MECOM: variants seen among roughly 807,000 people sequenced by gnomAD.
The protein encoded by MECOM is histone-lysine N-methyltransferase MECOM.
Under a neutral mutation model 116.3 loss-of-function variants are expected in MECOM, and 13 were observed. The observed-to-expected ratio is 0.11, with a 90% CI of 0.07 to 0.18. The LOEUF (loss-of-function observed/expected upper bound fraction) is 0.18. MECOM is among the 10% of genes least tolerant of loss of function. MECOM has a pLI of 1.00. For synonymous variants in MECOM, 528 were observed against 535.2 expected, an observed-to-expected ratio of 0.99 and a Z score of 0.19; for missense variants, 1,299 against 1,509.0, an observed-to-expected ratio of 0.86 and a Z score of 2.31.
chr3:169,293,828 G>A (rs1162419565), intron 2 of MECOM, among the ~76,000 whole-genome samples: 1 of 152,104 alleles, frequency 6.6e-6, no homozygotes, highest in African/African-American at 2.4e-5. Context: ...ATACTTTATG[G>A]GATTACCAGC....
At chr3:169,636,729 T>C (rs901221975) in intron 1 of MECOM, among the ~76,000 whole-genome samples, 1 of 152,230 alleles carries the variant, frequency 6.6e-6, no homozygotes, top group Non-Finnish European at 1.5e-5. Context: ...CCTGATATTT[T>C]AGAGAATCTT....
chr3:169,609,634 ACAAAT>A (rs2109809116), intron 1 of MECOM, among the ~76,000 whole-genome samples: 1 of 152,328 alleles, frequency 6.6e-6, no homozygotes, highest in East Asian at 1.9e-4. Flanking sequence ...TAGGAAGGTG[ACAAAT>A]TATAGTCTCT....
intron 2 of MECOM, among the ~76,000 whole-genome samples, chr3:169,378,392 A>G (rs1040065100): frequency 1.1e-4 from 4 of 36,962 alleles, no homozygotes; most frequent in African/African-American, 1.0e-3. Flanking sequence ...AAGACAAGAA[A>G]GAAAGAAAGA....
intron 1 of MECOM, among the ~76,000 whole-genome samples, chr3:169,580,638 G>A (rs534331516): frequency 5.3e-5 from 8 of 152,280 alleles, no homozygotes; most frequent in Non-Finnish European, 1.0e-4. Context: ...AGCTCATGGA[G>A]GCTGGGAGAG....
intron 7 of MECOM, among the ~76,000 whole-genome samples, chr3:169,117,454 T>C (rs945444029): frequency 3.9e-5 from 6 of 152,210 alleles, no homozygotes; most frequent in African/African-American, 1.4e-4. Context: ...CCATCCTGCA[T>C]TGCTGGTTCC....
chr3:169,575,211 G>A (rs1764349231), intron 1 of MECOM, among the ~76,000 whole-genome samples: 1 of 152,086 alleles, frequency 6.6e-6, no homozygotes, highest in Non-Finnish European at 1.5e-5. Context: ...CCATAAGAAA[G>A]CTTCGCCTTA....
chr3:169,557,069 C>T (rs1762121103), intron 1 of MECOM, among the ~76,000 whole-genome samples: 2 of 152,270 alleles, frequency 1.3e-5, no homozygotes, highest in Middle Eastern at 3.4e-3. Flanking sequence ...TACAACCCCA[C>T]CTCATTGCTC....
intron 12 of MECOM, among the ~76,000 whole-genome samples, chr3:169,098,812 G>A (rs1289640478): frequency 1.3e-5 from 2 of 152,030 alleles, no homozygotes; most frequent in Non-Finnish European, 2.9e-5. Context: ...GTAGGCATGA[G>A]CCACCACACT....
chr3:169,107,287 T>C (rs1725747740), intron 10 of MECOM, among the ~76,000 whole-genome samples: 1 of 152,168 alleles, frequency 6.6e-6, no homozygotes, highest in Non-Finnish European at 1.5e-5. Context: ...ATTCTTTGTA[T>C]CCTGAATATC....
intron 1 of MECOM, among the ~76,000 whole-genome samples, chr3:169,445,088 T>A (rs1744395394): frequency 6.6e-6 from 1 of 152,144 alleles, no homozygotes; most frequent in African/African-American, 2.4e-5. Context: ...GCATAAAAGT[T>A]CAGAAAATTT....
In MECOM at chr3:169,139,909, T is replaced by C. The variant is rs150574729; in HGVS notation, c.510+3789A>G. ...CACCAATCAAAATGGTTTGTAAAAGTAAGACAGCTACAAGACTTTAAAGGA... is the reference window on the plus strand; with the variant it reads ...CACCAATCAAAATGGTTTGTAAAAGCAAGACAGCTACAAGACTTTAAAGGA... On this transcript the variant is annotated intron_variant, in intron 3 of 16. Coordinates refer to ENST00000651503, the MANE Select transcript of MECOM (RefSeq NM_004991.4). Among the ~76,000 whole-genome samples the C allele has an allele frequency of 3.5e-3, 524 of 151,732 alleles. 2 individuals carry two copies. The highest frequency in any genetic ancestry group is 0.014 in the South Asian group (68 of 4,806).
intron 1 of MECOM, among the ~76,000 whole-genome samples, chr3:169,650,550 C>T (rs923844822): frequency 2.6e-5 from 4 of 152,098 alleles, no homozygotes; most frequent in African/African-American, 9.7e-5. Flanking sequence ...CTGGAATAAT[C>T]CTGTAAGCTT....
At chr3:169,636,662 A>C (rs1414596307) in intron 1 of MECOM, among the ~76,000 whole-genome samples, 1 of 152,152 alleles carries the variant, frequency 6.6e-6, no homozygotes, top group Admixed American at 6.5e-5. Context: ...GTTGACCATT[A>C]TATCAGGTGA....
At chr3:169,462,300 T>G (rs1747578069) in intron 1 of MECOM, among the ~76,000 whole-genome samples, 1 of 152,174 alleles carries the variant, frequency 6.6e-6, no homozygotes, top group Non-Finnish European at 1.5e-5. Context: ...ACCAAAAGAC[T>G]AAGCTGTTGA....
rs576482358 is a variant in MECOM, at chr3:169,569,476, G to A, written c.37+93860C>T. 3.3e-5 allele frequency among the ~76,000 whole-genome samples: 5 copies of A among 152,274 alleles called. No individual in the cohort carries two copies. In the South Asian group the frequency reaches 1.0e-3, roughly 32 times the overall value. ...GGACTTGAAATCAGCTCTGGACCAA[G>A]CAGACCTAATAGACATCTACAGAAC... On this transcript the variant is annotated intron_variant, in intron 1 of 16. Transcript: ENST00000651503.
chr3:169,143,893 G>A (rs1236360913), intron 2 of MECOM, 61 bp from the exon 3 acceptor site: 3 of 1,461,898 alleles, frequency 2.1e-6, no homozygotes, highest in Non-Finnish European at 1.8e-6. Flanking sequence ...AAAATAATCA[G>A]TTGTTTGAAA....
intron 2 of MECOM, among the ~76,000 whole-genome samples, chr3:169,365,728 G>A (rs901088639): frequency 5.9e-5 from 9 of 151,990 alleles, no homozygotes; most frequent in Non-Finnish European, 1.0e-4. Context: ...AGGTGTGGGA[G>A]TCCAGAGGGA....
chr3:169,233,660 C>T (rs1477682753), intron 2 of MECOM, among the ~76,000 whole-genome samples: 18 of 152,050 alleles, frequency 1.2e-4, no homozygotes, highest in Admixed American at 1.2e-3. Context: ...ATTTCTCTGC[C>T]AGTGAAACCA....
chr3:169,316,844 C>T (rs561630043), intron 2 of MECOM, among the ~76,000 whole-genome samples: 3 of 152,196 alleles, frequency 2.0e-5, no homozygotes, highest in South Asian at 2.1e-4. Context: ...TGAGCCACTG[C>T]GCCCGGCCAA....
Sources: allele counts gnomAD v4.1 joint callset (sites outside exome capture counted in the v4.1 genomes callset), GRCh38; gene constraint gnomAD v4.1.1; transcripts MANE v1.5; gene names NCBI Gene and HGNC (gene_info 2026-07-23, HGNC 2026-07-21).